Variants in MMP16 observed in about 807,000 individuals in gnomAD.
MMP16 encodes the protein matrix metallopeptidase 16.
MMP16 carries 12 observed loss-of-function variants against 67.8 expected under a neutral mutation model. The observed-to-expected ratio is 0.18, with a 90% CI of 0.11 to 0.29. The LOEUF (loss-of-function observed/expected upper bound fraction) is 0.29, where lower values mean the gene tolerates loss of function less well. Among genes scored for constraint, MMP16 ranks in the 10% least tolerant of loss-of-function variants. MMP16 has a pLI of 1.00. For missense variants in MMP16, 475 were observed against 765.7 expected (o/e 0.62, Z 4.48); for synonymous variants, 249 against 255.9 (o/e 0.97, Z 0.26).
intron 8 of MMP16, among the ~76,000 whole-genome samples, chr8:88,051,242 AT>A (rs1321218200): frequency 6.6e-6 from 1 of 152,178 alleles, no homozygotes; most frequent in African/African-American, 2.4e-5. Flanking sequence ...GAACAAAAAA[AT>A]CTCATCCCAC....
chr8:88,311,875 T>A (rs1188558661), intron 1 of MMP16, among the ~76,000 whole-genome samples: 1 of 152,016 alleles, frequency 6.6e-6, no homozygotes, highest in African/African-American at 2.4e-5. Context: ...AGACCAGAGA[T>A]AACGAAGATT....
Position 88,101,329 on chromosome 8 carries a change from CA to C in MMP16, c.1083+15177del, listed in dbSNP as rs572914863. The stretch of plus-strand genomic sequence containing the variant: ...GAATATGACTATACATCAGAAACTA[CA>C]TTCCTCCACATACTAATTATAATGT... On this transcript the variant is annotated intron_variant, in intron 6 of 9. Coordinates refer to ENST00000286614, the MANE Select transcript of MMP16 (RefSeq NM_005941.5). Among the ~76,000 whole-genome samples, 183 of 151,960 alleles carry C rather than the reference CA, an allele frequency of 1.2e-3. 1 individual carries two copies. Among genetic ancestry groups the C allele is most frequent in the African/African-American group, 4.3e-3 (178 of 41,520 alleles).
intron 1 of MMP16, among the ~76,000 whole-genome samples, chr8:88,230,816 A>C (rs930683935): frequency 4.6e-5 from 7 of 152,124 alleles, no homozygotes; most frequent in Admixed American, 3.3e-4. Context: ...TTATTCATGA[A>C]TTTGCAACCT....
At chr8:88,056,615 T>C (rs1447441499) in intron 7 of MMP16, among the ~76,000 whole-genome samples, 1 of 152,150 alleles carries the variant, frequency 6.6e-6, no homozygotes, top group Non-Finnish European at 1.5e-5. Flanking sequence ...CCCCTAAGAA[T>C]TAGAGGTCCT....
intron 1 of MMP16, among the ~76,000 whole-genome samples, chr8:88,201,919 C>T (rs1042928805): frequency 2.0e-5 from 3 of 152,006 alleles, no homozygotes; most frequent in Non-Finnish European, 4.4e-5. Context: ...TACATTTTCT[C>T]GTCTAAAAAT....
At chr8:88,252,399 A>G (rs1810239713) in intron 1 of MMP16, among the ~76,000 whole-genome samples, 1 of 152,118 alleles carries the variant, frequency 6.6e-6, no homozygotes, top group South Asian at 2.1e-4. Flanking sequence ...AGTCACTACA[A>G]GTAACAGAAA....
intron 2 of MMP16, among the ~76,000 whole-genome samples, chr8:88,195,502 T>C (rs1010991134): frequency 2.6e-5 from 4 of 152,162 alleles, no homozygotes. Flanking sequence ...CTTTGTAAAA[T>C]GCTGTGATGA....
At chr8:88,223,352 C>G (rs1809716443) in intron 1 of MMP16, among the ~76,000 whole-genome samples, 1 of 151,958 alleles carries the variant, frequency 6.6e-6, no homozygotes, top group Non-Finnish European at 1.5e-5. Context: ...GGTATATACC[C>G]AAAGGATTTT....
At chr8:88,313,825 T>G (rs1257976972) in intron 1 of MMP16, among the ~76,000 whole-genome samples, 1 of 152,146 alleles carries the variant, frequency 6.6e-6, no homozygotes, top group Non-Finnish European at 1.5e-5. Flanking sequence ...AGTCACATCT[T>G]ACATGGATGG....
chr8:88,148,994 G>T (rs1808345497), intron 4 of MMP16, among the ~76,000 whole-genome samples: 1 of 152,230 alleles, frequency 6.6e-6, no homozygotes, highest in South Asian at 2.1e-4. Context: ...GCGCAGGCCA[G>T]TGGGTGCGCG....
Position 88,057,733 on chromosome 8 carries a change from T to A in MMP16, c.1223-1455A>T, listed in dbSNP as rs536240293. Among the ~76,000 whole-genome samples the A allele has an allele frequency of 2.6e-5, 4 of 152,214 alleles. No homozygotes were observed. In the East Asian group the frequency reaches 7.7e-4, roughly 29 times the overall value. On this transcript the variant is annotated intron_variant, in intron 7 of 9. Coordinates refer to ENST00000286614, the MANE Select transcript of MMP16 (RefSeq NM_005941.5). ...GGAGTTTCTAGTTTGTAACCATGGGTAATCTCATTTACTCCAAGAGCTTCT... is the reference window on the plus strand; with the variant it reads ...GGAGTTTCTAGTTTGTAACCATGGGAAATCTCATTTACTCCAAGAGCTTCT...
intron 1 of MMP16, among the ~76,000 whole-genome samples, chr8:88,273,724 T>C (rs995233598): frequency 6.6e-6 from 1 of 152,306 alleles, no homozygotes; most frequent in Middle Eastern, 3.4e-3. Flanking sequence ...TGAGTGCTTA[T>C]AAATAATAGA....
At chr8:88,138,094 T>TG (rs1440312759) in intron 4 of MMP16, among the ~76,000 whole-genome samples, 2 of 150,444 alleles carry the variant, frequency 1.3e-5, no homozygotes, top group African/African-American at 2.4e-5. Context: ...TGTGTGTATG[T>TG]GTTTTTTTTC....
At chr8:88,151,519 G>A (rs1351166051) in intron 4 of MMP16, among the ~76,000 whole-genome samples, 3 of 146,864 alleles carry the variant, frequency 2.0e-5, no homozygotes, top group African/African-American at 7.6e-5. Flanking sequence ...CTATCTCTCA[G>A]ACCACAGTGC....
At chr8:88,127,474 A>C (rs549872381) in intron 4 of MMP16, among the ~76,000 whole-genome samples, 1 of 151,826 alleles carries the variant, frequency 6.6e-6, no homozygotes. Flanking sequence ...GAGTGATATA[A>C]TGATTTGAAA....
At chr8:88,050,150 C>T (rs530129180) in intron 8 of MMP16, among the ~76,000 whole-genome samples, 12 of 152,232 alleles carry the variant, frequency 7.9e-5, no homozygotes, top group Admixed American at 3.9e-4. Flanking sequence ...GGCGAAACTC[C>T]GTCTCTACTA....
At chr8:88,222,577 C>G (rs997076028) in intron 1 of MMP16, among the ~76,000 whole-genome samples, 3 of 151,946 alleles carry the variant, frequency 2.0e-5, no homozygotes, top group Non-Finnish European at 4.4e-5. Flanking sequence ...ACAAACCTGA[C>G]AAAAACAAGA....
At chr8:88,107,605 AG>A (rs1315456284) in intron 6 of MMP16, among the ~76,000 whole-genome samples, 1 of 151,222 alleles carries the variant, frequency 6.6e-6, no homozygotes, top group Non-Finnish European at 1.5e-5. Context: ...CTTTTAATCA[AG>A]AATAGGATAC....
rs187997536 is a variant in MMP16 at position 88,145,028 on chromosome 8, C to T, written c.709+22641G>A. ...AGAATAATCTAATTTAAATAAAACC[C>T]GCAATTGCCTGTAGAGTGTCTTCAA... is the stretch of plus-strand genomic sequence containing the variant. On this transcript the variant is annotated intron_variant, in intron 4 of 9. Coordinates refer to ENST00000286614, the MANE Select transcript of MMP16 (RefSeq NM_005941.5). Among the ~76,000 whole-genome samples, 19 of 151,832 alleles carry T rather than the reference C, an allele frequency of 1.3e-4. No individual in the cohort carries two copies. In the South Asian group the frequency reaches 2.9e-3, roughly 23 times the overall value.
Sources: gnomAD v4.1 joint callset for allele counts (sites outside exome capture counted in the v4.1 genomes callset) on GRCh38, gnomAD v4.1.1 for gene constraint, MANE v1.5 for transcripts, NCBI Gene and HGNC (gene_info 2026-07-23, HGNC 2026-07-21) for gene names.